The following PALM2AKAP2 variants were observed in gnomAD, a reference collection of about 807,000 sequenced individuals.
PALM2AKAP2 encodes PALM2-AKAP2 fusion protein.
PALM2AKAP2 carries 37 observed loss-of-function variants against 71.5 expected under a neutral mutation model. The observed-to-expected ratio is 0.52, with a 90% confidence interval of 0.40 to 0.68. The LOEUF (loss-of-function observed/expected upper bound fraction) is 0.68. PALM2AKAP2 is among the 30% of genes least tolerant of loss of function. PALM2AKAP2 has a pLI of 0.00. For synonymous variants in PALM2AKAP2, 468 were observed against 478.8 expected (o/e 0.98, Z 0.29); for missense variants, 1,224 against 1,191.8 (o/e 1.03, Z -0.40).
intron 3 of PALM2AKAP2, among the ~76,000 whole-genome samples, chr9:109,886,078 A>G (rs1829957622): frequency 2.0e-5 from 3 of 152,212 alleles, no homozygotes; most frequent in Admixed American, 6.5e-5. Flanking sequence ...AGGCTAAATA[A>G]GATTGGAATT....
At chr9:109,744,588 A>G (rs117571344) in intron 1 of PALM2AKAP2, among the ~76,000 whole-genome samples, 6,492 of 152,210 alleles carry the variant, frequency 0.043, 186 homozygotes, top group Non-Finnish European at 0.053. Flanking sequence ...CTAAGACAGC[A>G]ATTGACTATT....
intron 1 of PALM2AKAP2, among the ~76,000 whole-genome samples, chr9:109,832,246 G>A (rs928416567): frequency 2.0e-5 from 3 of 152,200 alleles, no homozygotes; most frequent in African/African-American, 7.2e-5. Context: ...GGCAAGTCTC[G>A]TTGCCTACGT....
rs550582668 is a variant in PALM2AKAP2, at chr9:109,905,696, C to A, written c.258-18039C>A. Among the ~76,000 whole-genome samples, 4 of 152,346 alleles carry A rather than the reference C, an allele frequency of 2.6e-5. No individual in the cohort carries two copies. In the East Asian group the frequency reaches 7.7e-4, roughly 29 times the overall value. On this transcript the variant is annotated intron_variant, in intron 3 of 9. Coordinates refer to the PALM2AKAP2 transcript ENST00000302798. ...CAGCCGGGTGAGGGCAGTAATGCAGCTCAGTAGGTTAAGGGGCCAGGCTGT... is the reference window on the plus strand; with the variant it reads ...CAGCCGGGTGAGGGCAGTAATGCAGATCAGTAGGTTAAGGGGCCAGGCTGT...
intron 6 of PALM2AKAP2, among the ~76,000 whole-genome samples, chr9:110,011,012 A>ATAT (rs59242587): frequency 0.019 from 1,668 of 89,408 alleles, 11 homozygotes; most frequent in East Asian, 0.029. Flanking sequence ...AAAAAAAAAA[A>ATAT]AAATATATAT....
chr9:109,746,773 G>C (rs1221180330), intron 1 of PALM2AKAP2, among the ~76,000 whole-genome samples: 2 of 152,192 alleles, frequency 1.3e-5, no homozygotes, highest in African/African-American at 2.4e-5. Flanking sequence ...TTTTGCAGAT[G>C]AGGAAACTAA....
At chr9:110,160,785 C>T (rs992972457) in intron 3 of PALM2AKAP2, among the ~76,000 whole-genome samples, 3 of 152,106 alleles carry the variant, frequency 2.0e-5, no homozygotes, top group Admixed American at 2.0e-4. Context: ...ATGTTCAGCC[C>T]CATCTTTACT....
In PALM2AKAP2 at chr9:110,137,160, T is replaced by C. The variant is rs749684041; in HGVS notation, c.1190T>C (p.Met397Thr). 8.7e-6 allele frequency: 14 copies of C among 1,613,658 alleles called. No individual in the cohort carries two copies. Among genetic ancestry groups the C allele is most frequent in the Admixed American group, 3.3e-5 (2 of 59,994 alleles). Residue 397 changes from methionine (M) to threonine (T), a missense_variant, in exon 2 of 4, where the codon ATG becomes ACG. By Grantham distance (81) the Met-to-Thr change is moderately conservative (BLOSUM62 -1). Transcript: ENST00000374525. ...GCCTCTTCTCATGAACGCGCAAGCATGATTGACAAAGCAAAGGAGGACATT... is the reference window on the plus strand; with the variant it reads ...GCCTCTTCTCATGAACGCGCAAGCACGATTGACAAAGCAAAGGAGGACATT...
chr9:109,938,751 G>A (rs150477238), intron 6 of PALM2AKAP2, among the ~76,000 whole-genome samples: 1,768 of 152,214 alleles, frequency 0.012, 17 homozygotes, highest in Non-Finnish European at 0.018. Flanking sequence ...GACCTTGGCC[G>A]GGTGCGGTAG....
At chr9:109,786,680 C>T (rs1277807486) in intron 1 of PALM2AKAP2, among the ~76,000 whole-genome samples, 1 of 152,140 alleles carries the variant, frequency 6.6e-6, no homozygotes, top group Non-Finnish European at 1.5e-5. Context: ...GCATAAGGGT[C>T]ACACACCTCC....
At chr9:110,023,084 G>A (rs1336483425) in intron 7 of PALM2AKAP2, among the ~76,000 whole-genome samples, 6 of 151,530 alleles carry the variant, frequency 4.0e-5, no homozygotes, top group African/African-American at 1.5e-4. Flanking sequence ...AATCCTTTGG[G>A]TATATACCCA....
chr9:110,125,383 C>T, intron 1 of PALM2AKAP2: 2 of 558,496 alleles, frequency 3.6e-6, no homozygotes, highest in Middle Eastern at 9.1e-4. Flanking sequence ...CTCCGGCCAG[C>T]CAGGGAGGGG....
upstream of PALM2AKAP2, among the ~76,000 whole-genome samples, chr9:110,046,464 C>CT (rs10601764): frequency 1.7e-3 from 182 of 104,674 alleles, 1 homozygote; most frequent in East Asian, 5.9e-3. Flanking sequence ...GATTGCTTTA[C>CT]TTTTTTTTTT....
intron 6 of PALM2AKAP2, among the ~76,000 whole-genome samples, chr9:109,990,080 T>C (rs1832449794): frequency 6.6e-6 from 1 of 150,648 alleles, no homozygotes; most frequent in African/African-American, 2.4e-5. Flanking sequence ...TTTTTTTTTT[T>C]TTTTCTTTTG....
intron 1 of PALM2AKAP2, among the ~76,000 whole-genome samples, chr9:109,749,175 C>T (rs1164163721): frequency 1.3e-5 from 2 of 152,108 alleles, no homozygotes; most frequent in Admixed American, 6.6e-5. Context: ...GTCTTTAGTC[C>T]CTTGGTCTGC....
chr9:109,987,012 A>G (rs957378741), intron 6 of PALM2AKAP2, among the ~76,000 whole-genome samples: 55 of 152,348 alleles, frequency 3.6e-4, no homozygotes, highest in African/African-American at 1.3e-3. Context: ...TGGACATTCA[A>G]TAATAAACTA....
chr9:110,165,504 T>G (rs181312049), intron 3 of PALM2AKAP2, among the ~76,000 whole-genome samples: 1 of 152,344 alleles, frequency 6.6e-6, no homozygotes, highest in African/African-American at 2.4e-5. Context: ...TTTATTTTCT[T>G]GTCTGTGCCA....
At chr9:109,646,137 C>T (rs1283806764) in intron 1 of PALM2AKAP2, among the ~76,000 whole-genome samples, 1 of 152,052 alleles carries the variant, frequency 6.6e-6, no homozygotes, top group Non-Finnish European at 1.5e-5. Flanking sequence ...TACTGGAAAA[C>T]CAGAAGGTAG....
At chr9:109,974,867 A>C (rs369442844) in intron 6 of PALM2AKAP2, among the ~76,000 whole-genome samples, 39 of 152,312 alleles carry the variant, frequency 2.6e-4, no homozygotes, top group African/African-American at 9.1e-4. Flanking sequence ...GATGCAGACT[A>C]TTCCTCTTGG....
rs541595646 is a variant in PALM2AKAP2 at position 110,130,463 on chromosome 9, T to C, written c.157-5664T>C. On this transcript the variant is annotated intron_variant, in intron 1 of 3. Transcript: ENST00000374525. ...GCCACGCTAATTTGCTTTGCAAAAC[T>C]ATTAAACACTTTTTGGTAAATAAAG... Among the ~76,000 whole-genome samples, 11 of 152,364 alleles carry C rather than the reference T, an allele frequency of 7.2e-5. No homozygotes were observed. In the South Asian group the frequency reaches 1.9e-3, roughly 26 times the overall value.
Sources: allele counts gnomAD v4.1 joint callset (sites outside exome capture counted in the v4.1 genomes callset), GRCh38; gene constraint gnomAD v4.1.1; transcripts MANE v1.5; gene names NCBI Gene and HGNC (gene_info 2026-07-23, HGNC 2026-07-21).